The following ACADL variants were observed in gnomAD, a reference collection of about 807,000 sequenced individuals.
ACADL encodes acyl-CoA dehydrogenase long chain, also known as long-chain specific acyl-CoA dehydrogenase, mitochondrial.
ACADL carries 60 observed loss-of-function variants against 56.9 expected under a neutral mutation model. That is an observed-to-expected ratio of 1.05 (90% CI 0.86 to 1.31). The LOEUF (loss-of-function observed/expected upper bound fraction) is 1.31. ACADL is among the 50% of genes most tolerant of loss of function. The pLI, the probability that ACADL is intolerant of heterozygous loss-of-function variation, is 0.00. For synonymous variants in ACADL, 158 were observed against 179.7 expected (o/e 0.88, Z 0.97); for missense variants, 484 against 525.5 (o/e 0.92, Z 0.77).
intron 4 of ACADL, among the ~76,000 whole-genome samples, chr2:210,212,058 C>T (rs1688991006): frequency 6.6e-6 from 1 of 152,026 alleles, no homozygotes; most frequent in South Asian, 2.1e-4. Flanking sequence ...GTCTTGAACT[C>T]CTGACCTCAG....
In ACADL at chr2:210,195,253, G is replaced by T; in HGVS notation, c.1070C>A (p.Ala357Glu). 6.2e-7 allele frequency: 1 copy of T among 1,613,808 alleles called. No homozygotes were observed. Among genetic ancestry groups the T allele is most frequent in the Non-Finnish European group, 8.5e-7 (1 of 1,179,900 alleles). ...FVDNCLQLHEAKRLDSATACM... is the reference protein window; with the variant it reads ...FVDNCLQLHEEKRLDSATACM... ...AGCAGTGGCGGAGTCCAAACGTTTC[G>T]CTTCATGCAGCTGGAGACAGTTGTC... Residue 357 changes from alanine to glutamate, a missense_variant, in exon 9 of 11, where the codon GCG becomes GAG. By Grantham distance (107) the Ala-to-Glu change is moderately radical. Coordinates refer to ENST00000233710, the MANE Select transcript of ACADL (RefSeq NM_001608.4).
rs139925225 is a variant in ACADL at position 210,222,997 on chromosome 2, G to A, written c.77+2190C>T. ...TAGGAAACTGGGGCTGTAAGACACC[G>A]AATCATTTGTCAACATAATGAGTAA... On this transcript the variant is annotated intron_variant, in intron 1 of 10. Transcript: ENST00000233710. Among the ~76,000 whole-genome samples, 490 of 152,288 alleles carry A rather than the reference G, an allele frequency of 3.2e-3. 3 individuals are homozygous for A. Among genetic ancestry groups the A allele is most frequent in the African/African-American group, 0.011 (453 of 41,558 alleles).
chr2:210,204,341 A>C (rs965373865), intron 7 of ACADL, among the ~76,000 whole-genome samples: 5 of 152,200 alleles, frequency 3.3e-5, no homozygotes, highest in Non-Finnish European at 7.4e-5. Flanking sequence ...ACAGAACTGA[A>C]ATATCTGTTT....
chr2:210,218,762 A>G (rs1320820066), intron 2 of ACADL, among the ~76,000 whole-genome samples: 2 of 152,202 alleles, frequency 1.3e-5, no homozygotes, highest in South Asian at 2.1e-4. Context: ...GTAAAAGGCA[A>G]TTCTCCTTGG....
intron 5 of ACADL, among the ~76,000 whole-genome samples, chr2:210,208,102 A>T (rs1335256027): frequency 6.6e-6 from 1 of 152,186 alleles, no homozygotes; most frequent in Non-Finnish European, 1.5e-5. Context: ...GCCACAGTTG[A>T]AATGCTATGA....
intron 1 of ACADL, chr2:210,224,724 A>G (rs1689237521): frequency 3.0e-6 from 3 of 987,578 alleles, no homozygotes; most frequent in South Asian, 4.7e-5. Flanking sequence ...CCGGGTCCCA[A>G]GTTCACTACC....
At chr2:210,207,542 C>A (rs762459054) in intron 5 of ACADL, among the ~76,000 whole-genome samples, 54 of 152,086 alleles carry the variant, frequency 3.6e-4, no homozygotes, top group Non-Finnish European at 1.5e-4. Flanking sequence ...TGTACTCATC[C>A]TGGGTGGTTT....
intron 8 of ACADL, among the ~76,000 whole-genome samples, chr2:210,199,146 A>T (rs1323851938): frequency 6.6e-6 from 1 of 152,158 alleles, no homozygotes; most frequent in Non-Finnish European, 1.5e-5. Context: ...TAGTGTACCC[A>T]GCTCTTGAAT....
chr2:210,204,437 C>T (rs1211745048), intron 7 of ACADL, 144 bp downstream of exon 7: 3 of 652,950 alleles, frequency 4.6e-6, no homozygotes, highest in Non-Finnish European at 8.0e-6. Flanking sequence ...ACTTTTATTA[C>T]AACTTTAATA....
intron 4 of ACADL, among the ~76,000 whole-genome samples, chr2:210,214,023 T>C (rs980569556): frequency 6.0e-5 from 2 of 33,482 alleles, no homozygotes; most frequent in Non-Finnish European, 1.5e-4. Context: ...TCTATTTCTT[T>C]AAAAAATAAT....
intron 6 of ACADL, 137 bp downstream of exon 6, chr2:210,205,495 A>G: frequency 1.3e-6 from 1 of 797,232 alleles, no homozygotes; most frequent in South Asian, 1.6e-5. Flanking sequence ...AAATCTCATT[A>G]CCACATCAGA....
rs1689126785 is a variant in ACADL at position 210,218,487 on chromosome 2, A to T, written c.234-385T>A. The T allele has an allele frequency of 1.3e-5, 3 of 227,822 alleles. No individual in the cohort carries two copies. In the Admixed American group the frequency reaches 1.6e-4, roughly 12 times the overall value. 14.1% of individuals were successfully genotyped at this position (227,822 alleles called of 1,614,324 possible). ...TTTTTTGTAGAGACGGGGTCTTATT[A>T]TGTTGCCCATGCTGGTCGTGAACTC... On this transcript the variant is annotated intron_variant, in intron 2 of 10. Transcript: ENST00000233710.
chr2:210,224,647 G>C (rs548843082), intron 1 of ACADL: 1 of 985,430 alleles, frequency 1.0e-6, no homozygotes, highest in African/African-American at 1.7e-5. Context: ...TGGAACCCTC[G>C]CCAGGTCATT....
intron 5 of ACADL, 124 bp downstream of exon 5, chr2:210,210,072 C>T: frequency 1.3e-6 from 1 of 786,432 alleles, no homozygotes; most frequent in East Asian, 2.5e-5. Context: ...TCCAAAACAA[C>T]TTAGATAAAT....
intron 10 of ACADL, among the ~76,000 whole-genome samples, 167 bp from the exon 11 acceptor site, chr2:210,189,221 A>T (rs564035894): frequency 7.1e-5 from 3 of 42,064 alleles, no homozygotes; most frequent in Admixed American, 6.9e-4. Context: ...TTGGAATAAT[A>T]GTAAAAAAAA....
rs760146240 is a variant in ACADL at position 210,197,287 on chromosome 2, TCCA to T, written c.985-1952_985-1950del. 5.3e-3 allele frequency among the ~76,000 whole-genome samples: 811 copies of T among 152,268 alleles called. 3 individuals carry two copies. The highest frequency in any genetic ancestry group is 9.5e-3 in the Non-Finnish European group (646 of 68,016). On this transcript the variant is annotated intron_variant, in intron 8 of 10. Coordinates refer to ENST00000233710, the MANE Select transcript of ACADL (RefSeq NM_001608.4). ...ATGAGAAGGTTGGCACCCCACTCCTTCCATCTCTGTATTCTGGCCTCTAGTTCT... is the reference window on the plus strand; with the variant it reads ...ATGAGAAGGTTGGCACCCCACTCCTTTCTCTGTATTCTGGCCTCTAGTTCT...
chr2:210,220,066 A>C (rs1689148858), intron 2 of ACADL, among the ~76,000 whole-genome samples: 1 of 152,110 alleles, frequency 6.6e-6, no homozygotes, highest in African/African-American at 2.4e-5. Context: ...TTGTTTTTAT[A>C]ATAACATAGT....
At chr2:210,214,466 A>AAAAAGAAAGAAAGAAAG (rs1553690980) in intron 4 of ACADL, among the ~76,000 whole-genome samples, 2 of 147,990 alleles carry the variant, frequency 1.4e-5, no homozygotes, top group African/African-American at 5.2e-5. Flanking sequence ...TGACCTTCCA[A>AAAAAGAAAGAAAGAAAG]AAAAGAAAGA....
At chr2:210,210,912 C>T (rs1688968435) in intron 4 of ACADL, among the ~76,000 whole-genome samples, 1 of 151,914 alleles carries the variant, frequency 6.6e-6, no homozygotes, top group Non-Finnish European at 1.5e-5. Context: ...GGCCACTGCA[C>T]TCTAGTCTGG....
Sources: allele counts gnomAD v4.1 joint callset (sites outside exome capture counted in the v4.1 genomes callset), GRCh38; gene constraint gnomAD v4.1.1; transcripts MANE v1.5; gene names NCBI Gene and HGNC (gene_info 2026-07-23, HGNC 2026-07-21).